Variants in SPAG16 observed in about 807,000 individuals in gnomAD.
SPAG16 encodes the protein sperm-associated antigen 16 protein.
In SPAG16, 86 loss-of-function variants were observed where a neutral mutation model predicts 80.4. The observed-to-expected ratio is 1.07, with a 90% CI of 0.90 to 1.28. SPAG16 has a LOEUF of 1.28. SPAG16 is among the 50% of genes most tolerant of loss of function. The probability of loss-of-function intolerance (pLI) is 0.00; values close to 1 mark genes in which losing one functional copy is unlikely to be tolerated. For synonymous variants in SPAG16, 294 were observed against 265.9 expected, an observed-to-expected ratio of 1.11 and a Z score of -1.03; for missense variants, 870 against 765.3, an observed-to-expected ratio of 1.14 and a Z score of -1.61.
intron 10 of SPAG16, among the ~76,000 whole-genome samples, chr2:213,521,871 G>C (rs1001655276): frequency 6.6e-6 from 1 of 152,124 alleles, no homozygotes; most frequent in Non-Finnish European, 1.5e-5. Flanking sequence ...GTAAATTATT[G>C]TTTATGCTTT....
chr2:213,660,912 A>G (rs753980937), intron 10 of SPAG16, among the ~76,000 whole-genome samples: 17 of 152,114 alleles, frequency 1.1e-4, no homozygotes, highest in Non-Finnish European at 2.1e-4. Context: ...GATCACCAAT[A>G]AGTAGTGCTG....
intron 10 of SPAG16, among the ~76,000 whole-genome samples, chr2:213,695,260 G>T (rs920931875): frequency 2.0e-5 from 3 of 151,958 alleles, no homozygotes; most frequent in African/African-American, 7.3e-5. Context: ...TGACCATCAG[G>T]GCAACTGTTC....
At chr2:213,981,951 T>C (rs2045769350) in intron 12 of SPAG16, among the ~76,000 whole-genome samples, 1 of 151,850 alleles carries the variant, frequency 6.6e-6, no homozygotes, top group Non-Finnish European at 1.5e-5. Flanking sequence ...TATACCTTTT[T>C]CTAAATTATG....
At chr2:214,158,494 C>T (rs2125594981) in intron 15 of SPAG16, among the ~76,000 whole-genome samples, 1 of 152,016 alleles carries the variant, frequency 6.6e-6, no homozygotes. Context: ...AAAAAAAATG[C>T]ATAAATTCCA....
intron 15 of SPAG16, among the ~76,000 whole-genome samples, chr2:214,396,973 T>C (rs1701426921): frequency 6.6e-6 from 1 of 151,978 alleles, no homozygotes; most frequent in Admixed American, 6.5e-5. Flanking sequence ...AAAACTATAC[T>C]GTATGTTTCT....
At chr2:213,488,830 A>T (rs937378095) in intron 9 of SPAG16, among the ~76,000 whole-genome samples, 5 of 152,032 alleles carry the variant, frequency 3.3e-5, no homozygotes, top group Non-Finnish European at 7.4e-5. Context: ...TAATCCCACC[A>T]CTTTGGGAGG....
At chr2:214,105,100 C>T (rs1305373150) in intron 13 of SPAG16, among the ~76,000 whole-genome samples, 4 of 152,046 alleles carry the variant, frequency 2.6e-5, no homozygotes, top group Non-Finnish European at 5.9e-5. Flanking sequence ...TGAATCCAAC[C>T]AGAGCCCAGA....
chr2:214,173,065 G>T (rs892692962), intron 15 of SPAG16, among the ~76,000 whole-genome samples: 2 of 151,682 alleles, frequency 1.3e-5, no homozygotes, highest in African/African-American at 4.8e-5. Context: ...CACTCTGATG[G>T]TAGTTTCTTT....
chr2:213,464,736 C>A lies in SPAG16; in HGVS notation c.943-25227C>A, dbSNP rs181104211. 4.2e-3 allele frequency among the ~76,000 whole-genome samples: 636 copies of A among 152,316 alleles called. 6 individuals carry two copies. The highest frequency in any genetic ancestry group is 7.2e-3 in the Non-Finnish European group (488 of 68,026). ...GGCAAGCCTCACAAGCATTAATGAC[C>A]TGTTTGACCATTTTTACCTGACAAC... On this transcript the variant is annotated intron_variant, in intron 9 of 15. Transcript: ENST00000331683.
chr2:214,074,983 TAG>T (rs1218940580), intron 13 of SPAG16, among the ~76,000 whole-genome samples: 1 of 152,114 alleles, frequency 6.6e-6, no homozygotes, highest in Non-Finnish European at 1.5e-5. Context: ...CCATCAACAG[TAG>T]AGTCAGTAAA....
At chr2:214,270,809 A>G (rs1691935731) in intron 15 of SPAG16, among the ~76,000 whole-genome samples, 1 of 152,172 alleles carries the variant, frequency 6.6e-6, no homozygotes, top group African/African-American at 2.4e-5. Context: ...TTATCTATAA[A>G]GTAGCTCCCC....
chr2:214,117,279 C>T (rs1321916295), intron 14 of SPAG16, among the ~76,000 whole-genome samples: 1 of 151,894 alleles, frequency 6.6e-6, no homozygotes, highest in African/African-American at 2.4e-5. Flanking sequence ...AATTAGTAAG[C>T]TTGGTGACAG....
intron 10 of SPAG16, among the ~76,000 whole-genome samples, chr2:213,831,028 A>G (rs1025982347): frequency 2.0e-5 from 3 of 148,056 alleles, no homozygotes; most frequent in Admixed American, 6.9e-5. Flanking sequence ...GAAAAGTGAA[A>G]CATGACTTTT....
chr2:214,089,982 G>C (rs1576144567), intron 13 of SPAG16, among the ~76,000 whole-genome samples: 1 of 151,892 alleles, frequency 6.6e-6, no homozygotes, highest in Non-Finnish European at 1.5e-5. Context: ...GTACACATAT[G>C]CCTGCCATTC....
At chr2:213,800,196 G>C (rs1456864839) in intron 10 of SPAG16, among the ~76,000 whole-genome samples, 1 of 151,966 alleles carries the variant, frequency 6.6e-6, no homozygotes, top group Non-Finnish European at 1.5e-5. Flanking sequence ...TACTTATTTT[G>C]TGATCACCTA....
intron 14 of SPAG16, among the ~76,000 whole-genome samples, chr2:214,117,002 G>A (rs1271375185): frequency 1.3e-5 from 2 of 152,126 alleles, no homozygotes; most frequent in Admixed American, 1.3e-4. Context: ...CCTTACCAAA[G>A]AGAGAAAATA....
Position 213,490,059 on chromosome 2 carries a change from A to G in SPAG16, c.1039A>G (p.Ile347Val). The G allele has an allele frequency of 6.2e-7, 1 of 1,605,114 alleles. No homozygotes were observed. The highest frequency in any genetic ancestry group is 8.5e-7 in the Non-Finnish European group (1 of 1,176,058). Residue 347 changes from isoleucine to valine, a missense_variant, in exon 10 of 16, where the codon ATT becomes GTT. By Grantham distance (29) the Ile-to-Val change is conservative (BLOSUM62 3). Transcript: ENST00000331683. ...AAAATTTGACTACAAGCTGAAAAAC[A>G]TTTTTAGACTCCATGAACTTCCAGT... ...PAKFDYKLKNIFRLHELPVSC... is the reference protein window; with the variant it reads ...PAKFDYKLKNVFRLHELPVSC...
chr2:214,203,801 A>G (rs13405251), intron 15 of SPAG16, among the ~76,000 whole-genome samples: 12,141 of 152,238 alleles, frequency 0.08, 575 homozygotes, highest in Middle Eastern at 0.1. Context: ...AATTTCAACC[A>G]AAGTTTCCTG....
intron 10 of SPAG16, among the ~76,000 whole-genome samples, chr2:213,860,685 G>A (rs1053976225): frequency 2.6e-5 from 4 of 151,958 alleles, no homozygotes; most frequent in Non-Finnish European, 4.4e-5. Flanking sequence ...TTAGCTATCA[G>A]TGGGTTTGTA....
Sources: gnomAD v4.1 joint callset for allele counts (sites outside exome capture counted in the v4.1 genomes callset) on GRCh38, gnomAD v4.1.1 for gene constraint, MANE v1.5 for transcripts, NCBI Gene and HGNC (gene_info 2026-07-23, HGNC 2026-07-21) for gene names.